The following ARHGAP15 variants were observed in gnomAD, a reference collection of about 807,000 sequenced individuals.
ARHGAP15 encodes Rho GTPase activating protein 15, also known as rho GTPase-activating protein 15.
A neutral mutation model predicts 63.7 loss-of-function variants in ARHGAP15; 51 were observed. That is an observed-to-expected ratio of 0.80 (90% CI 0.64 to 1.01). The LOEUF is 1.01. Among genes scored for constraint, ARHGAP15 ranks in the 50% least tolerant of loss-of-function variants. ARHGAP15 has a pLI of 0.00. For missense variants in ARHGAP15, 560 were observed against 564.6 expected (o/e 0.99, Z 0.08); for synonymous variants, 191 against 193.8 (o/e 0.99, Z 0.12).
chr2:143,228,565 A>AT lies in ARHGAP15; in HGVS notation c.297-9dup, dbSNP rs760201733. 2.7e-5 allele frequency: 42 copies of AT among 1,563,042 alleles called. No individual in the cohort carries two copies. The highest frequency in any genetic ancestry group is 3.2e-5 in the Non-Finnish European group (36 of 1,141,836). ...ACTGATAATGCTTTCTTTCCCTTTT[A>AT]TTTTTTTGTCCTAAGGAAAAACTGG... On this transcript the variant is annotated splice_polypyrimidine_tract_variant and intron_variant, in intron 4 of 13. Coordinates refer to ENST00000295095, the MANE Select transcript of ARHGAP15 (RefSeq NM_018460.4).
chr2:143,739,484 A>G (rs1375137548), intron 13 of ARHGAP15, among the ~76,000 whole-genome samples: 1 of 152,180 alleles, frequency 6.6e-6, no homozygotes, highest in Non-Finnish European at 1.5e-5. Flanking sequence ...CAGGCAAGAA[A>G]TAGCGCCCAG....
chr2:143,438,278 C>T (rs1400633021), intron 8 of ARHGAP15, among the ~76,000 whole-genome samples: 1 of 152,000 alleles, frequency 6.6e-6, no homozygotes, highest in Non-Finnish European at 1.5e-5. Flanking sequence ...CATACACATA[C>T]ACACGTATGT....
intron 6 of ARHGAP15, among the ~76,000 whole-genome samples, chr2:143,348,911 G>C (rs890636505): frequency 2.0e-5 from 3 of 152,122 alleles, no homozygotes; most frequent in African/African-American, 7.2e-5. Flanking sequence ...TAAGTCAGAA[G>C]GTGTTCCATT....
intron 11 of ARHGAP15, among the ~76,000 whole-genome samples, chr2:143,579,796 T>G (rs1250550400): frequency 6.6e-6 from 1 of 151,896 alleles, no homozygotes; most frequent in Non-Finnish European, 1.5e-5. Context: ...GGGCAAGAAT[T>G]AAGATTCTGA....
At chr2:143,683,125 T>C (rs1317757359) in intron 12 of ARHGAP15, among the ~76,000 whole-genome samples, 1 of 152,198 alleles carries the variant, frequency 6.6e-6, no homozygotes, top group Non-Finnish European at 1.5e-5. Flanking sequence ...AAACAGGTTG[T>C]AAGGACTGAT....
chr2:143,360,036 A>T (rs13008966), intron 6 of ARHGAP15, among the ~76,000 whole-genome samples: 1 of 151,998 alleles, frequency 6.6e-6, no homozygotes, highest in Non-Finnish European at 1.5e-5. Flanking sequence ...GAGAAAAGAA[A>T]GTGAGAAAAT....
In ARHGAP15 at chr2:143,228,607, T is replaced by C; in HGVS notation, c.323T>C (p.Val108Ala). The C allele has an allele frequency of 6.2e-7, 1 of 1,610,134 alleles. No homozygotes were observed. Among genetic ancestry groups the C allele is most frequent in the Non-Finnish European group, 8.5e-7 (1 of 1,178,206 alleles). ...LRKNWSTSWIVLSSRRIEFYK... is the reference protein window; with the variant it reads ...LRKNWSTSWIALSSRRIEFYK... ...AAAAACTGGTCTACTTCCTGGATTGTTCTTTCTAGTCGAAGAATTGAATTT... is the reference window on the plus strand; with the variant it reads ...AAAAACTGGTCTACTTCCTGGATTGCTCTTTCTAGTCGAAGAATTGAATTT... The change falls in exon 5 of 14, where the codon GTT (valine) becomes GCT (alanine). Residue 108 changes from valine to alanine, a missense_variant. Physicochemically the swap from Val to Ala is moderately conservative, Grantham distance 64. Transcript: ENST00000295095.
At chr2:143,469,430 G>A (rs1430063882) in intron 8 of ARHGAP15, among the ~76,000 whole-genome samples, 2 of 152,160 alleles carry the variant, frequency 1.3e-5, no homozygotes, top group Non-Finnish European at 2.9e-5. Flanking sequence ...ATACACCCCT[G>A]CCCACTGCCA....
chr2:143,581,758 T>G (rs1290336569), intron 11 of ARHGAP15, among the ~76,000 whole-genome samples: 2 of 152,206 alleles, frequency 1.3e-5, no homozygotes, highest in African/African-American at 4.8e-5. Context: ...TGGCACATTC[T>G]GTCGCTATTC....
chr2:143,602,935 T>C (rs1559074674), intron 11 of ARHGAP15, among the ~76,000 whole-genome samples: 1 of 152,172 alleles, frequency 6.6e-6, no homozygotes, highest in East Asian at 1.9e-4. Context: ...CGATCAATTA[T>C]TTTTAAGCCT....
rs765945989 is a variant in ARHGAP15 at position 143,445,153 on chromosome 2, A to ACTTTTTTTTTT, written c.703+8111_703+8112insCTTTTTTTTTT. Among the ~76,000 whole-genome samples the ACTTTTTTTTTT allele has an allele frequency of 9.4e-3, 701 of 74,406 alleles. 87 individuals are homozygous for ACTTTTTTTTTT. Among genetic ancestry groups the ACTTTTTTTTTT allele is most frequent in the African/African-American group, 0.034 (625 of 18,480 alleles). 48.8% of individuals were successfully genotyped at this position (74,406 alleles called of 152,430 possible). ...TTGAAGTCAAAGATTAAGAACAATT[A>ACTTTTTTTTTT]TTTTTTTTTTTTTTTTTTTTTTTTT... On this transcript the variant is annotated intron_variant, in intron 8 of 13. Transcript: ENST00000295095.
chr2:143,228,692 G>A (rs1693320351), intron 5 of ARHGAP15, 24 bp downstream of exon 5: 2 of 1,455,634 alleles, frequency 1.4e-6, no homozygotes, highest in African/African-American at 2.9e-5. Flanking sequence ...TGTTTCTATT[G>A]TTAAATATCT....
chr2:143,306,210 T>G (rs1488800233), intron 6 of ARHGAP15, among the ~76,000 whole-genome samples: 1 of 152,104 alleles, frequency 6.6e-6, no homozygotes, highest in Non-Finnish European at 1.5e-5. Flanking sequence ...TTAATATATT[T>G]ACCAAAAATG....
intron 6 of ARHGAP15, among the ~76,000 whole-genome samples, chr2:143,428,197 A>G (rs1288294310): frequency 6.6e-6 from 1 of 152,056 alleles, no homozygotes; most frequent in Admixed American, 6.6e-5. Flanking sequence ...TTTGAATGAT[A>G]TGACAGAGGA....
intron 8 of ARHGAP15, among the ~76,000 whole-genome samples, chr2:143,486,295 G>A (rs1692320000): frequency 6.6e-6 from 1 of 151,712 alleles, no homozygotes; most frequent in South Asian, 2.1e-4. Flanking sequence ...CTTGGGCCAG[G>A]AACAGTGGCT....
At chr2:143,363,490 G>C (rs775358355) in intron 6 of ARHGAP15, among the ~76,000 whole-genome samples, 2 of 152,132 alleles carry the variant, frequency 1.3e-5, no homozygotes, top group Non-Finnish European at 2.9e-5. Flanking sequence ...GCAAGACTCT[G>C]TCTTCAGAAA....
At chr2:143,373,415 G>A (rs1228121439) in intron 6 of ARHGAP15, among the ~76,000 whole-genome samples, 1 of 152,194 alleles carries the variant, frequency 6.6e-6, no homozygotes, top group East Asian at 1.9e-4. Context: ...TGGATCACGA[G>A]GTCAGGAGAT....
rs375873692 is a variant in ARHGAP15, at chr2:143,746,056, C to T, written c.1245-21933C>T. 5.9e-5 allele frequency among the ~76,000 whole-genome samples: 9 copies of T among 152,276 alleles called. No individual in the cohort carries two copies. In the South Asian group the frequency reaches 8.3e-4, roughly 14 times the overall value. ...TGGTATTGTGGGTCAGTTGACCTCA[C>T]GAATTTCCACACAATTCTATATGTC... On this transcript the variant is annotated intron_variant, in intron 13 of 13. Transcript: ENST00000295095.
chr2:143,425,584 T>C (rs1041506157), intron 6 of ARHGAP15, among the ~76,000 whole-genome samples: 8 of 152,074 alleles, frequency 5.3e-5, no homozygotes, highest in African/African-American at 1.7e-4. Context: ...TCATGTTTGG[T>C]TTAAAGATAA....
Sources: allele counts gnomAD v4.1 joint callset (sites outside exome capture counted in the v4.1 genomes callset), GRCh38; gene constraint gnomAD v4.1.1; transcripts MANE v1.5; gene names NCBI Gene and HGNC (gene_info 2026-07-23, HGNC 2026-07-21).